Variants in POLN observed in about 807,000 individuals in gnomAD.
POLN encodes the protein DNA polymerase nu.
Under a neutral mutation model 113.5 loss-of-function variants are expected in POLN, and 108 were observed. The ratio of observed to expected loss-of-function variants is 0.95; its 90% CI spans 0.81 to 1.12. The LOEUF (loss-of-function observed/expected upper bound fraction) is 1.12. Among genes scored for constraint, POLN ranks in the 50% most tolerant of loss-of-function variants. The pLI is 0.00. For synonymous variants in POLN, 386 were observed against 391.5 expected, an observed-to-expected ratio of 0.99 and a Z score of 0.17; for missense variants, 1,097 against 1,077.1, an observed-to-expected ratio of 1.02 and a Z score of -0.26.
At chr4:2,188,986 T>C (rs1733362935) in intron 7 of POLN, among the ~76,000 whole-genome samples, 1 of 151,772 alleles carries the variant, frequency 6.6e-6, no homozygotes, top group South Asian at 2.1e-4. Flanking sequence ...AAACAACTTG[T>C]TATAACTATA....
At chr4:2,086,103 T>C (rs986559032) in intron 20 of POLN, among the ~76,000 whole-genome samples, 2 of 152,142 alleles carry the variant, frequency 1.3e-5, no homozygotes, top group African/African-American at 4.8e-5. Context: ...GGTCAAAGTA[T>C]GAGAAAATGG....
In POLN at chr4:2,095,877, AC is replaced by A; in HGVS notation, c.2038del (p.Val680TrpfsTer85). ...THADREQTKKVVYAVVYGAGK... is the reference protein window; with the variant it reads ...THADREQTKKXVYAVVYGAGK... ...TGCTCCATAGACCACCGCGTACACC[AC>A]CTTCTTGGTTTGCTCTCTGTCTGCG... On this transcript the variant is annotated frameshift_variant, in exon 20 of 26. Transcript: ENST00000511885. LOFTEE classifies it high-confidence loss of function. The A allele has an allele frequency of 6.2e-7, 1 of 1,613,698 alleles. No individual in the cohort carries two copies. Among genetic ancestry groups the A allele is most frequent in the Non-Finnish European group, 8.5e-7 (1 of 1,179,954 alleles).
intron 20 of POLN, chr4:2,089,845 T>G (rs1271604084): frequency 1.3e-5 from 12 of 905,566 alleles, no homozygotes; most frequent in Non-Finnish European, 2.1e-5. Context: ...ATCTAGGTTC[T>G]TTGAAAGCAG....
intron 7 of POLN, among the ~76,000 whole-genome samples, chr4:2,181,499 A>AAAAAT (rs58321606): frequency 0.26 from 38,690 of 150,750 alleles, 7,192 homozygotes; most frequent in African/African-American, 0.51. Flanking sequence ...AACAGAACTT[A>AAAAAT]AAAATAAAAT....
chr4:2,133,124 T>C lies in POLN; in HGVS notation c.1732-1834A>G, dbSNP rs570063533. On this transcript the variant is annotated intron_variant, in intron 16 of 25. Transcript: ENST00000511885. ...AGTTTGAGGCCAGCCTGATGTAAAT[T>C]TACATGGCTATTATAAAAAATGGCA... is the stretch of plus-strand genomic sequence containing the variant. 1.9e-4 allele frequency among the ~76,000 whole-genome samples: 27 copies of C among 142,484 alleles called. No homozygotes were observed. The South Asian group carries it at 2.5e-3, about 13-fold the overall frequency. The allele number at this position is 142,484 out of a possible 152,430, so 93.5% of individuals were successfully genotyped here. A position where few individuals can be genotyped will look rare whatever the true frequency, so the allele number is the denominator to read the frequency against.
At chr4:2,146,477 T>C (rs1732143194) in intron 16 of POLN, among the ~76,000 whole-genome samples, 1 of 152,166 alleles carries the variant, frequency 6.6e-6, no homozygotes, top group Admixed American at 6.5e-5. Flanking sequence ...TGCACTCCAC[T>C]TGGGCAACAA....
At chr4:2,108,456 G>A (rs993072995) in intron 19 of POLN, among the ~76,000 whole-genome samples, 1 of 152,150 alleles carries the variant, frequency 6.6e-6, no homozygotes, top group Non-Finnish European at 1.5e-5. Flanking sequence ...TATTTTTATT[G>A]TTAAAGGGAT....
At chr4:2,170,951 T>C in intron 12 of POLN, 147 bp downstream of exon 12, 3 of 851,620 alleles carry the variant, frequency 3.5e-6, no homozygotes, top group Non-Finnish European at 5.5e-6. Flanking sequence ...GTAATGAATC[T>C]CAATGTGTTC....
chr4:2,159,232 T>G (rs373551048), intron 13 of POLN, 21 bp from the exon 14 acceptor site: 9 of 1,561,568 alleles, frequency 5.8e-6, no homozygotes, highest in Non-Finnish European at 7.9e-6. Flanking sequence ...AAATAGATAC[T>G]ACCAATGTAA....
chr4:2,092,247 G>A (rs573616739), intron 20 of POLN, among the ~76,000 whole-genome samples: 19 of 152,316 alleles, frequency 1.2e-4, no homozygotes, highest in African/African-American at 3.8e-4. Context: ...GTCACGTGAT[G>A]ACTGGATGTG....
chr4:2,195,879 C>T (rs1733560791), intron 6 of POLN, among the ~76,000 whole-genome samples: 1 of 152,176 alleles, frequency 6.6e-6, no homozygotes, highest in African/African-American at 2.4e-5. Flanking sequence ...TTAGAAAAAT[C>T]ACCATCTTAC....
chr4:2,239,272 G>A (rs1734884570), intron 2 of POLN, among the ~76,000 whole-genome samples: 1 of 152,046 alleles, frequency 6.6e-6, no homozygotes, highest in Admixed American at 6.5e-5. Context: ...TATAGTAACG[G>A]CTACCAAAAT....
Position 2,156,820 on chromosome 4 carries a change from T to C in POLN, c.1699A>G (p.Thr567Ala). 6.2e-7 allele frequency: 1 copy of C among 1,613,368 alleles called. No individual in the cohort carries two copies. ...TTGGCTGAAAGTCTTCCAGTCACAGTTCCAGTCTGATTCCATGTAGAGGAA... is the reference window on the plus strand; with the variant it reads ...TTGGCTGAAAGTCTTCCAGTCACAGCTCCAGTCTGATTCCATGTAGAGGAA... ...SISSTWNQTG[T>A]VTGRLSAKHP... Residue 567 changes from threonine (T) to alanine (A), a missense_variant, in exon 16 of 26, where the codon ACT becomes GCT. Thr to Ala is a moderately conservative substitution (Grantham distance 58). Coordinates refer to ENST00000511885, the MANE Select transcript of POLN (RefSeq NM_181808.4).
At chr4:2,234,063 AAAG>A (rs1328876593) in intron 2 of POLN, among the ~76,000 whole-genome samples, 42 of 152,376 alleles carry the variant, frequency 2.8e-4, no homozygotes, top group Admixed American at 5.9e-4. Context: ...AAAAGAAAAA[AAAG>A]AAGACTATCA....
chr4:2,074,683 G>A (rs1041764034), intron 24 of POLN, among the ~76,000 whole-genome samples: 4 of 152,128 alleles, frequency 2.6e-5, no homozygotes, highest in African/African-American at 9.7e-5. Context: ...CACCACTCGA[G>A]AGTTGGTGCC....
Position 2,229,149 on chromosome 4 carries a change from A to G in POLN, c.83T>C (p.Met28Thr), listed in dbSNP as rs1421505733. The G allele has an allele frequency of 1.4e-5, 22 of 1,610,588 alleles. No individual in the cohort carries two copies. Among genetic ancestry groups the G allele is most frequent in the Non-Finnish European group, 1.6e-5 (19 of 1,176,920 alleles). ...SSVAQKIMSAMHSGDLVDSKT... is the reference protein window; with the variant it reads ...SSVAQKIMSATHSGDLVDSKT... ...AGAATCCACTAAATCACCTGAATGCATAGCAGACATAATCTTCTGAGCAAC... is the reference window on the plus strand; with the variant it reads ...AGAATCCACTAAATCACCTGAATGCGTAGCAGACATAATCTTCTGAGCAAC... The change falls in exon 3 of 26, where the codon ATG becomes ACG. Residue 28 changes from methionine to threonine, a missense_variant. Transcript: ENST00000511885.
At chr4:2,114,704 T>A (rs190517794) in intron 19 of POLN, among the ~76,000 whole-genome samples, 68 of 152,342 alleles carry the variant, frequency 4.5e-4, no homozygotes, top group Non-Finnish European at 7.6e-4. Context: ...TTTTACATTG[T>A]CTAATGTGTT....
At position 2,219,837 on chromosome 4, in the gene POLN, C is replaced by T. The variant is rs75647098; in HGVS notation, c.134-6711G>A. On this transcript the variant is annotated intron_variant, in intron 3 of 25. Coordinates refer to ENST00000511885, the MANE Select transcript of POLN (RefSeq NM_181808.4). Reference sequence around the variant, plus strand: ...ACCCTCTCCTACAAGGAACTAAAAGCCATCCTAGCAGTATGTTGGCACCAC... The same window carrying T: ...ACCCTCTCCTACAAGGAACTAAAAGTCATCCTAGCAGTATGTTGGCACCAC... 3.2e-3 allele frequency among the ~76,000 whole-genome samples: 483 copies of T among 152,254 alleles called. 2 individuals are homozygous for T. The highest frequency in any genetic ancestry group is 0.011 in the African/African-American group (449 of 41,536).
intron 16 of POLN, among the ~76,000 whole-genome samples, chr4:2,137,999 C>G (rs1450256710): frequency 6.6e-6 from 1 of 152,100 alleles, no homozygotes; most frequent in Non-Finnish European, 1.5e-5. Flanking sequence ...CCACCACGCC[C>G]AGCTAATTCT....
Sources: allele counts gnomAD v4.1 joint callset (sites outside exome capture counted in the v4.1 genomes callset), GRCh38; gene constraint gnomAD v4.1.1; transcripts MANE v1.5; gene names NCBI Gene and HGNC (gene_info 2026-07-23, HGNC 2026-07-21).